The following PACRG variants were observed in gnomAD, a reference collection of about 807,000 sequenced individuals.
PACRG encodes parkin coregulated gene protein.
PACRG carries 29 observed loss-of-function variants against 29.7 expected under a neutral mutation model. That is an observed-to-expected ratio of 0.98 (90% confidence interval 0.73 to 1.33). The LOEUF (loss-of-function observed/expected upper bound fraction) is 1.33, where lower values mean the gene tolerates loss of function less well. Among genes scored for constraint, PACRG ranks in the 40% most tolerant of loss-of-function variants. The pLI is 0.00. For missense variants in PACRG, 279 were observed against 316.2 expected (o/e 0.88, Z 0.89); for synonymous variants, 116 against 118.7 (o/e 0.98, Z 0.15).
chr6:163,218,070 T>G (rs1781432528), intron 4 of PACRG, among the ~76,000 whole-genome samples: 1 of 152,176 alleles, frequency 6.6e-6, no homozygotes, highest in African/African-American at 2.4e-5. Context: ...CCTAGGAAAT[T>G]CATATTTGCA....
At chr6:163,225,260 C>T (rs1781741880) in intron 4 of PACRG, among the ~76,000 whole-genome samples, 2 of 152,216 alleles carry the variant, frequency 1.3e-5, no homozygotes, top group African/African-American at 4.8e-5. Flanking sequence ...TCCATAATCC[C>T]CACATGTCTA....
At chr6:163,067,133 T>C (rs532898) in intron 3 of PACRG, among the ~76,000 whole-genome samples, 2,197 of 151,958 alleles carry the variant, frequency 0.014, 46 homozygotes, top group African/African-American at 0.051. Flanking sequence ...TGAACAGCCT[T>C]CCTGCTGTAG....
chr6:162,949,628 AAAAT>A (rs948537919), intron 2 of PACRG, among the ~76,000 whole-genome samples: 4 of 152,306 alleles, frequency 2.6e-5, no homozygotes, highest in South Asian at 4.1e-4. Context: ...TTTTAAAAAG[AAAAT>A]AAATAAACTG....
intron 4 of PACRG, among the ~76,000 whole-genome samples, chr6:163,309,201 G>C (rs1585418622): frequency 6.6e-6 from 1 of 152,222 alleles, no homozygotes; most frequent in Admixed American, 6.5e-5. Context: ...AAGTGGCTAC[G>C]CCTGGCAGCA....
chr6:162,742,569 G>A (rs1472941883), intron 1 of PACRG, among the ~76,000 whole-genome samples: 1 of 152,036 alleles, frequency 6.6e-6, no homozygotes, highest in African/African-American at 2.4e-5. Context: ...ATATTCTCCA[G>A]GTTCATCATA....
chr6:162,829,756 A>C (rs1333973324), intron 2 of PACRG, among the ~76,000 whole-genome samples: 1 of 152,224 alleles, frequency 6.6e-6, no homozygotes, highest in African/African-American at 2.4e-5. Flanking sequence ...CACCCCTCAC[A>C]TATGAGGGTC....
chr6:163,089,783 G>A (rs1264629005), intron 4 of PACRG, among the ~76,000 whole-genome samples: 1 of 152,032 alleles, frequency 6.6e-6, no homozygotes, highest in Non-Finnish European at 1.5e-5. Context: ...ATTTCAGTCA[G>A]CTTTTTTCCA....
intron 4 of PACRG, among the ~76,000 whole-genome samples, chr6:163,134,341 A>G (rs2128330824): frequency 6.6e-6 from 1 of 152,310 alleles, no homozygotes; most frequent in East Asian, 1.9e-4. Context: ...CTGCTTACTC[A>G]GTAGGAGATG....
chr6:163,301,038 G>GTGAGTTTAGTAGGGCCACGTCCGCTGCTT (rs1452901729), intron 4 of PACRG, among the ~76,000 whole-genome samples: 1 of 63,722 alleles, frequency 1.6e-5, no homozygotes, highest in African/African-American at 9.8e-5. Context: ...GTCAGCTGCT[G>GTGAGTTTAGTAGGGCCACGTCCGCTGCTT]CCCGTGAGTT....
intron 4 of PACRG, chr6:163,312,802 G>C: frequency 2.3e-6 from 1 of 436,842 alleles, no homozygotes; most frequent in Non-Finnish European, 4.5e-6. Context: ...GCCCAGGCTG[G>C]AGTGCAGTGG....
At chr6:162,998,287 A>G (rs1804265120) in intron 2 of PACRG, among the ~76,000 whole-genome samples, 2 of 152,138 alleles carry the variant, frequency 1.3e-5, no homozygotes, top group Non-Finnish European at 2.9e-5. Context: ...CTTGATGTGG[A>G]TCTGAGGACT....
intron 4 of PACRG, among the ~76,000 whole-genome samples, chr6:163,093,292 C>T (rs989050547): frequency 7.9e-5 from 12 of 152,260 alleles, no homozygotes; most frequent in East Asian, 1.9e-4. Context: ...GAATTTTGGA[C>T]GTAAAACATG....
chr6:162,736,374 C>T (rs542481455), intron 1 of PACRG, among the ~76,000 whole-genome samples: 1 of 152,178 alleles, frequency 6.6e-6, no homozygotes, highest in East Asian at 1.9e-4. Flanking sequence ...TTACAGTGCT[C>T]ACAGAAATGT....
At chr6:162,935,682 A>AT (rs1016982690) in intron 2 of PACRG, among the ~76,000 whole-genome samples, 1 of 151,574 alleles carries the variant, frequency 6.6e-6, no homozygotes, top group Non-Finnish European at 1.5e-5. Flanking sequence ...CATTTCATAG[A>AT]TTTTCTTTTC....
intron 1 of PACRG, among the ~76,000 whole-genome samples, chr6:162,751,920 A>G (rs915178119): frequency 6.6e-6 from 1 of 152,216 alleles, no homozygotes; most frequent in African/African-American, 2.4e-5. Flanking sequence ...TCGATCTGAC[A>G]TAAAATGCCT....
intron 4 of PACRG, among the ~76,000 whole-genome samples, chr6:163,230,743 G>C (rs1781998879): frequency 6.6e-6 from 1 of 152,238 alleles, no homozygotes; most frequent in Non-Finnish European, 1.5e-5. Context: ...GAAGAACGCA[G>C]GATGGTGTGT....
At chr6:162,847,588 A>G (rs1790512465) in intron 2 of PACRG, among the ~76,000 whole-genome samples, 1 of 151,508 alleles carries the variant, frequency 6.6e-6, no homozygotes, top group Non-Finnish European at 1.5e-5. Flanking sequence ...AGGTATGGGA[A>G]CAGTTACAGT....
intron 4 of PACRG, among the ~76,000 whole-genome samples, chr6:163,105,137 T>A (rs1309645973): frequency 6.6e-6 from 1 of 152,074 alleles, no homozygotes; most frequent in Admixed American, 6.6e-5. Context: ...TAAAAAAAAA[T>A]AATTCATTGC....
chr6:162,820,111 G>A (rs1125797), intron 2 of PACRG, among the ~76,000 whole-genome samples: 34,772 of 152,086 alleles, frequency 0.23, 5,369 homozygotes, highest in African/African-American at 0.41. Context: ...TGACAAATTC[G>A]CTTCCCTTTC....
Sources: allele counts gnomAD v4.1 joint callset (sites outside exome capture counted in the v4.1 genomes callset), GRCh38; gene constraint gnomAD v4.1.1; transcripts MANE v1.5; gene names NCBI Gene and HGNC (gene_info 2026-07-23, HGNC 2026-07-21).